RTN4: variants seen among roughly 807,000 people sequenced by gnomAD.
The protein encoded by RTN4 is reticulon-4.
RTN4 carries 32 observed loss-of-function variants against 90.4 expected under a neutral mutation model. The observed-to-expected ratio is 0.35, with a 90% CI of 0.27 to 0.48. RTN4 has a LOEUF of 0.48. Among genes scored for constraint, RTN4 ranks in the 20% least tolerant of loss-of-function variants. RTN4 has a pLI of 0.99. For missense variants in RTN4, 1,706 were observed against 1,430.2 expected (o/e 1.19, Z -3.11); for synonymous variants, 629 against 552.5 (o/e 1.14, Z -1.94).
At position 55,080,601 on chromosome 2, in the gene RTN4, C is replaced by T. The variant is rs1379880591; in HGVS notation, c.-175G>A. On this transcript the variant is annotated 5_prime_UTR_variant, in exon 2 of 4. Coordinates refer to the RTN4 transcript ENST00000427710. Reference sequence around the variant, plus strand: ...TAGTATCTTATTCCTCAGTGTTACTCATATCCAGAATAGTCTTGTTATTTT... The same window carrying T: ...TAGTATCTTATTCCTCAGTGTTACTTATATCCAGAATAGTCTTGTTATTTT... 2.0e-5 allele frequency: 3 copies of T among 152,080 alleles called. 1 individual carries two copies. The highest frequency in any genetic ancestry group is 2.9e-5 in the Non-Finnish European group (2 of 68,024). 9.4% of individuals were successfully genotyped at this position (152,080 alleles called of 1,614,324 possible).
chr2:55,054,996 T>C (rs1409384825), upstream of RTN4, among the ~76,000 whole-genome samples: 1 of 152,162 alleles, frequency 6.6e-6, no homozygotes, highest in Non-Finnish European at 1.5e-5. Context: ...GTCATGTTAG[T>C]TAAGCATTGA....
At chr2:55,100,444 T>G (rs1190280833) in intron 1 of RTN4, among the ~76,000 whole-genome samples, 2 of 152,162 alleles carry the variant, frequency 1.3e-5, no homozygotes, top group Non-Finnish European at 2.9e-5. Flanking sequence ...TATGAAATCT[T>G]GATCTATTCA....
At chr2:55,127,796 A>G in the RTN4 span, among the ~76,000 whole-genome samples, 1 of 152,190 alleles carries the variant, frequency 6.6e-6, no homozygotes, top group Non-Finnish European at 1.5e-5. Flanking sequence ...ACATTCCCCC[A>G]GAATCACTCT....
At position 54,982,604 on chromosome 2, in the gene RTN4, A is replaced by G; in HGVS notation, c.3271T>C (p.Tyr1091His). ...ACATGACCAAGAGCAGAATTACTGT[A>G]CTTCTGAACCAACTCCTCAGATATA... Reference protein sequence around the residue: ...VAISEELVQKYSNSALGHVNC... With the variant: ...VAISEELVQKHSNSALGHVNC... The change falls in exon 5 of 9, where the codon TAC becomes CAC. Residue 1091 changes from tyrosine to histidine, a missense_variant. Tyr to His is a moderately conservative substitution (Grantham distance 83). Transcript: ENST00000337526. The G allele has an allele frequency of 1.2e-6, 2 of 1,613,586 alleles. No individual in the cohort carries two copies. Among genetic ancestry groups the G allele is most frequent in the South Asian group, 1.1e-5 (1 of 90,972 alleles).
intron 2 of RTN4, among the ~76,000 whole-genome samples, chr2:55,075,056 T>C (rs931350878): frequency 2.0e-5 from 3 of 152,154 alleles, no homozygotes; most frequent in Non-Finnish European, 4.4e-5. Context: ...GTGTTCAACA[T>C]AGTACTAGAA....
chr2:54,975,776 A>G (rs889515088), intron 5 of RTN4, among the ~76,000 whole-genome samples: 5 of 152,250 alleles, frequency 3.3e-5, no homozygotes, highest in Admixed American at 6.5e-5. Context: ...TATTTATTAC[A>G]GCTTAGGAAG....
rs750433042 is a variant in RTN4 at position 55,071,207 on chromosome 2, T to G, written c.-63+9282A>C. Among the ~76,000 whole-genome samples the G allele has an allele frequency of 2.0e-5, 3 of 151,882 alleles. No homozygotes were observed. In the South Asian group the frequency reaches 6.2e-4, roughly 31 times the overall value. On this transcript the variant is annotated intron_variant, in intron 2 of 3. Coordinates refer to the RTN4 transcript ENST00000427710. Reference sequence around the variant, plus strand: ...ACTGGCCACCAGGGGGTCTCTTGCTTGTGATCTACAAGACAAAATGTCTGG... The same window carrying G: ...ACTGGCCACCAGGGGGTCTCTTGCTGGTGATCTACAAGACAAAATGTCTGG...
At chr2:54,996,318 C>T (rs1679422121) in intron 3 of RTN4, among the ~76,000 whole-genome samples, 1 of 151,966 alleles carries the variant, frequency 6.6e-6, no homozygotes, top group South Asian at 2.1e-4. Flanking sequence ...TGTCTTTTAG[C>T]GAAAATTGAC....
chr2:55,100,194 G>T (rs958739919), intron 1 of RTN4, among the ~76,000 whole-genome samples: 1 of 152,124 alleles, frequency 6.6e-6, no homozygotes, highest in Non-Finnish European at 1.5e-5. Context: ...TGTCTGGAAA[G>T]GGGTAAATTA....
intron 3 of RTN4, among the ~76,000 whole-genome samples, chr2:54,992,124 G>T (rs1215354078): frequency 2.0e-5 from 3 of 152,098 alleles, no homozygotes; most frequent in Non-Finnish European, 4.4e-5. Flanking sequence ...AGGAGTTTGA[G>T]ACCAGGCTGG....
intron 1 of RTN4, among the ~76,000 whole-genome samples, chr2:55,034,506 C>T (rs531462847): frequency 1.3e-5 from 2 of 151,996 alleles, no homozygotes; most frequent in African/African-American, 2.4e-5. Flanking sequence ...TATCTCTAAA[C>T]GAACAAACAA....
At chr2:55,020,218 T>C (rs1335228413) in intron 3 of RTN4, among the ~76,000 whole-genome samples, 1 of 152,140 alleles carries the variant, frequency 6.6e-6, no homozygotes, top group East Asian at 1.9e-4. Flanking sequence ...AAAATCTGTA[T>C]GGAACCACAA....
intron 1 of RTN4, among the ~76,000 whole-genome samples, chr2:55,028,452 A>T (rs963611515): frequency 6.6e-6 from 1 of 152,210 alleles, no homozygotes; most frequent in Admixed American, 6.5e-5. Context: ...TCATTTTTCA[A>T]GAGGCAATAC....
At chr2:55,016,153 C>T (rs1681019650) in intron 3 of RTN4, among the ~76,000 whole-genome samples, 1 of 151,968 alleles carries the variant, frequency 6.6e-6, no homozygotes, top group Non-Finnish European at 1.5e-5. Context: ...ACACTAAGTA[C>T]AAAAAATCAG....
chr2:55,132,635 A>G, the RTN4 span, among the ~76,000 whole-genome samples: 3 of 151,748 alleles, frequency 2.0e-5, no homozygotes, highest in Non-Finnish European at 4.4e-5. Context: ...AACATGGTAT[A>G]CCCCTGTCTC....
At chr2:55,057,123 C>T (rs1573487397) in intron 2 of RTN4, among the ~76,000 whole-genome samples, 1 of 152,190 alleles carries the variant, frequency 6.6e-6, no homozygotes, top group Admixed American at 6.5e-5. Context: ...ATTTAGCTGC[C>T]AATACATTTA....
chr2:54,985,638 C>T (rs917066185), intron 4 of RTN4, among the ~76,000 whole-genome samples: 4 of 152,176 alleles, frequency 2.6e-5, no homozygotes, highest in African/African-American at 9.7e-5. Context: ...ATGTTGGTCT[C>T]TCCCCCTAAA....
intron 1 of RTN4, among the ~76,000 whole-genome samples, chr2:55,092,083 G>A (rs1668948941): frequency 6.6e-6 from 1 of 151,940 alleles, no homozygotes; most frequent in Non-Finnish European, 1.5e-5. Context: ...TCAGCTACCT[G>A]GGAGGTTGAG....
intron 3 of RTN4, among the ~76,000 whole-genome samples, chr2:55,022,092 G>C (rs1021862215): frequency 6.6e-6 from 1 of 152,044 alleles, no homozygotes; most frequent in Non-Finnish European, 1.5e-5. Flanking sequence ...AGATTTCCCA[G>C]GTTTAACAAA....
Sources: allele counts gnomAD v4.1 joint callset (sites outside exome capture counted in the v4.1 genomes callset), GRCh38; gene constraint gnomAD v4.1.1; transcripts MANE v1.5; gene names NCBI Gene and HGNC (gene_info 2026-07-23, HGNC 2026-07-21).